PDILT: variants seen among roughly 807,000 people sequenced by gnomAD.
The protein encoded by PDILT is protein disulfide isomerase like, testis expressed.
A neutral mutation model predicts 53.7 loss-of-function variants in PDILT; 43 were observed. The observed-to-expected ratio is 0.80, with a 90% CI of 0.63 to 1.03. PDILT has a LOEUF of 1.03. PDILT is among the 50% of genes least tolerant of loss of function. The probability of loss-of-function intolerance (pLI) is 0.00; values close to 1 mark genes in which losing one functional copy is unlikely to be tolerated. For missense variants in PDILT, 727 were observed against 712.3 expected (o/e 1.02, Z -0.24); for synonymous variants, 282 against 274.2 (o/e 1.03, Z -0.28).
chr16:20,380,572 G>A (rs984370771), intron 3 of PDILT, among the ~76,000 whole-genome samples: 12 of 152,282 alleles, frequency 7.9e-5, no homozygotes, highest in Middle Eastern at 3.4e-3. Flanking sequence ...TCCTGACTTC[G>A]TGATCCACTC....
chr16:20,381,182 G>GGGACT (rs1191130715), intron 3 of PDILT, among the ~76,000 whole-genome samples: 1 of 152,244 alleles, frequency 6.6e-6, no homozygotes, highest in African/African-American at 2.4e-5. Context: ...AGATGAGAAT[G>GGGACT]GGACTGGGGC....
chr16:20,384,204 C>A (rs1445266672), intron 3 of PDILT, among the ~76,000 whole-genome samples: 2 of 152,134 alleles, frequency 1.3e-5, no homozygotes, highest in Non-Finnish European at 2.9e-5. Flanking sequence ...AAGCCATGCA[C>A]CCCACCCTCC....
chr16:20,372,662 C>T, intron 7 of PDILT, 140 bp downstream of exon 7: 1 of 967,512 alleles, frequency 1.0e-6, no homozygotes, highest in Non-Finnish European at 1.5e-6. Context: ...ACATGCAAAT[C>T]AGAAAACTGA....
At chr16:20,389,650 G>T (rs528895738) in intron 2 of PDILT, among the ~76,000 whole-genome samples, 8 of 152,160 alleles carry the variant, frequency 5.3e-5, no homozygotes, top group African/African-American at 1.9e-4. Context: ...ATAGGCAATG[G>T]CTCCCTGACT....
In PDILT at chr16:20,396,106, G is replaced by A. The variant is rs1172228300; in HGVS notation, c.202+2993C>T. Among the ~76,000 whole-genome samples the A allele has an allele frequency of 2.0e-5, 3 of 152,212 alleles. 1 individual carries two copies. Among genetic ancestry groups the A allele is most frequent in the Non-Finnish European group, 4.4e-5 (3 of 68,048 alleles). On this transcript the variant is annotated intron_variant, in intron 2 of 11. Coordinates refer to ENST00000302451, the MANE Select transcript of PDILT (RefSeq NM_174924.2). ...TTTGCCTCAGTGCCACAGGGTAAGG[G>A]AGAATGGGAACTCATGTTTATTGAG...
At position 20,366,573 on chromosome 16, in the gene PDILT, G is replaced by A. The variant is rs115306495; in HGVS notation, c.1117-1033C>T. ...TGTCATAAGAGATTTTTCTTTCCTC[G>A]CCATTGAGCATCCATTGCCTGTTAC... On this transcript the variant is annotated intron_variant, in intron 8 of 11. Transcript: ENST00000302451. Among the ~76,000 whole-genome samples, 1,234 of 151,808 alleles carry A rather than the reference G, an allele frequency of 8.1e-3. 15 individuals carry two copies. Among genetic ancestry groups the A allele is most frequent in the African/African-American group, 0.027 (1,136 of 41,368 alleles).
intron 3 of PDILT, among the ~76,000 whole-genome samples, chr16:20,382,068 T>G (rs1293666232): frequency 1.3e-5 from 2 of 151,998 alleles, no homozygotes; most frequent in Non-Finnish European, 2.9e-5. Context: ...CTGGCTAAGT[T>G]TTAAGGTTTT....
At position 20,374,744 on chromosome 16, in the gene PDILT, G is replaced by C. The variant is rs1966357943; in HGVS notation, c.681+78C>G. ...ACTGAGTTCACAAGTGGCAGAACCA[G>C]AATTTGTACCCAAAGCTCATACGAT... On this transcript the variant is annotated intron_variant, in intron 5 of 11. Transcript: ENST00000302451. 9 of 1,494,670 alleles carry C rather than the reference G, an allele frequency of 6.0e-6. No homozygotes were observed. The South Asian group carries it at 1.1e-4, about 18-fold the overall frequency. The allele number at this position is 1,494,670 out of a possible 1,614,324, so 92.6% of individuals were successfully genotyped here. A position where few individuals can be genotyped will look rare whatever the true frequency, so the allele number is the denominator to read the frequency against.
At chr16:20,392,714 T>C (rs557923331) in intron 2 of PDILT, among the ~76,000 whole-genome samples, 2 of 152,364 alleles carry the variant, frequency 1.3e-5, no homozygotes, top group Non-Finnish European at 2.9e-5. Flanking sequence ...TTGAGTTCAC[T>C]GCTTTGAAAT....
rs1966184667 is a variant in PDILT at position 20,365,882 on chromosome 16, AC to A, written c.1117-343del. On this transcript the variant is annotated intron_variant, in intron 8 of 11. Coordinates refer to ENST00000302451, the MANE Select transcript of PDILT (RefSeq NM_174924.2). The stretch of plus-strand genomic sequence containing the variant: ...TGGATCATGAAGTCAGGAGTTTGAG[AC>A]CAGCCTGGCCAACATGGTGAAACCT... Among the ~76,000 whole-genome samples the A allele has an allele frequency of 2.0e-5, 3 of 152,040 alleles. No individual in the cohort carries two copies. The South Asian group carries it at 6.2e-4, about 32-fold the overall frequency.
chr16:20,379,459 C>T (rs1328582384), intron 3 of PDILT, among the ~76,000 whole-genome samples: 2 of 152,040 alleles, frequency 1.3e-5, no homozygotes, highest in Non-Finnish European at 2.9e-5. Context: ...AGCCACCACG[C>T]CCAGCCCACA....
At chr16:20,397,214 C>A (rs1966672740) in intron 2 of PDILT, among the ~76,000 whole-genome samples, 1 of 152,128 alleles carries the variant, frequency 6.6e-6, no homozygotes, top group African/African-American at 2.4e-5. Flanking sequence ...CGGGTCGCTG[C>A]AGTCTTGACC....
At chr16:20,361,277 C>T (rs1966097412) in intron 10 of PDILT, among the ~76,000 whole-genome samples, 1 of 150,420 alleles carries the variant, frequency 6.6e-6, no homozygotes. Context: ...CCTCTGCCTC[C>T]CAGGTTCAAG....
At chr16:20,368,264 G>A (rs1356059665) in intron 8 of PDILT, among the ~76,000 whole-genome samples, 3 of 152,142 alleles carry the variant, frequency 2.0e-5, no homozygotes, top group African/African-American at 7.2e-5. Flanking sequence ...GGGAAAGGCT[G>A]CCATCAGGAG....
chr16:20,403,777 C>T (rs1392499333), intron 1 of PDILT, among the ~76,000 whole-genome samples: 1 of 152,088 alleles, frequency 6.6e-6, no homozygotes, highest in Non-Finnish European at 1.5e-5. Context: ...CCTTATCGCC[C>T]TCCTCTCTCT....
At chr16:20,360,682 A>T (rs959918448) in intron 10 of PDILT, 25 bp from the exon 11 acceptor site, 2 of 1,536,676 alleles carry the variant, frequency 1.3e-6, no homozygotes, top group Non-Finnish European at 1.8e-6. Context: ...GAACAGGGTC[A>T]GGATGGGATC....
intron 6 of PDILT, 32 bp from the exon 7 acceptor site, chr16:20,372,959 G>A (rs1272293958): frequency 6.2e-7 from 1 of 1,613,576 alleles, no homozygotes; most frequent in Non-Finnish European, 8.5e-7. Context: ...GTCATCCCAA[G>A]CACACACAGT....
intron 4 of PDILT, among the ~76,000 whole-genome samples, chr16:20,375,689 G>A (rs80172481): frequency 0.012 from 1,814 of 152,170 alleles, 33 homozygotes; most frequent in African/African-American, 0.041. Flanking sequence ...CTGTGCTATC[G>A]GTTTTAATAT....
At chr16:20,389,804 A>T (rs1966586804) in intron 2 of PDILT, among the ~76,000 whole-genome samples, 1 of 152,102 alleles carries the variant, frequency 6.6e-6, no homozygotes, top group Non-Finnish European at 1.5e-5. Context: ...GGAGGTGATG[A>T]GTATAGGGAC....
Sources: allele counts gnomAD v4.1 joint callset (sites outside exome capture counted in the v4.1 genomes callset), GRCh38; gene constraint gnomAD v4.1.1; transcripts MANE v1.5; gene names NCBI Gene and HGNC (gene_info 2026-07-23, HGNC 2026-07-21).